The following CAPZA1 variants were observed in gnomAD, a reference collection of about 807,000 sequenced individuals.
CAPZA1 encodes the protein capping actin protein of muscle Z-line subunit alpha 1, also known as F-actin-capping protein subunit alpha-1.
Under a neutral mutation model 40.8 loss-of-function variants are expected in CAPZA1, and 10 were observed. The ratio of observed to expected loss-of-function variants is 0.25; its 90% confidence interval spans 0.15 to 0.42. The LOEUF (loss-of-function observed/expected upper bound fraction) is 0.42. Ranked by LOEUF, CAPZA1 falls within the 10% of genes least tolerant of loss-of-function variation. The pLI is 1.00. For synonymous variants in CAPZA1, 98 were observed against 115.0 expected, an observed-to-expected ratio of 0.85 and a Z score of 0.95; for missense variants, 277 against 353.8, an observed-to-expected ratio of 0.78 and a Z score of 1.74.
At chr1:112,623,223 T>C (rs912961873) in intron 1 of CAPZA1, among the ~76,000 whole-genome samples, 4 of 152,196 alleles carry the variant, frequency 2.6e-5, no homozygotes, top group Non-Finnish European at 5.9e-5. Context: ...GATTATGTAT[T>C]ACCTCCTTAA....
chr1:112,631,670 T>G (rs1182010293), intron 1 of CAPZA1, among the ~76,000 whole-genome samples: 2 of 152,224 alleles, frequency 1.3e-5, no homozygotes, highest in East Asian at 3.8e-4. Flanking sequence ...AAACTTGACA[T>G]CTACATCATT....
intron 8 of CAPZA1, among the ~76,000 whole-genome samples, chr1:112,668,144 G>C (rs898994376): frequency 6.6e-6 from 1 of 151,840 alleles, no homozygotes; most frequent in South Asian, 2.1e-4. Context: ...AAAATCAGCT[G>C]AGTTCCTGTA....
chr1:112,625,154 G>T (rs568620925), intron 1 of CAPZA1, among the ~76,000 whole-genome samples: 5 of 152,096 alleles, frequency 3.3e-5, no homozygotes, highest in Non-Finnish European at 7.4e-5. Context: ...TCCACAGTTT[G>T]GGTGCCTCTG....
intron 1 of CAPZA1, among the ~76,000 whole-genome samples, chr1:112,628,900 T>G (rs1365414958): frequency 6.6e-6 from 1 of 152,236 alleles, no homozygotes; most frequent in Admixed American, 6.5e-5. Context: ...AATTTGACTA[T>G]TTCTTACCAC....
chr1:112,668,460 G>A (rs1671768747), intron 8 of CAPZA1, among the ~76,000 whole-genome samples: 1 of 152,122 alleles, frequency 6.6e-6, no homozygotes, highest in East Asian at 1.9e-4. Flanking sequence ...TTAAAAGATG[G>A]CGGACTTTAT....
At chr1:112,644,702 A>G (rs549800703) in intron 1 of CAPZA1, among the ~76,000 whole-genome samples, 1 of 152,296 alleles carries the variant, frequency 6.6e-6, no homozygotes, top group South Asian at 2.1e-4. Context: ...TCATTATTAC[A>G]TCAAATATTA....
At chr1:112,643,744 A>G (rs1019957398) in intron 1 of CAPZA1, among the ~76,000 whole-genome samples, 1 of 152,236 alleles carries the variant, frequency 6.6e-6, no homozygotes, top group Non-Finnish European at 1.5e-5. Flanking sequence ...TAACGGTTTC[A>G]TCACAGAGCA....
rs780200466 is a variant in CAPZA1 at position 112,667,186 on chromosome 1, G to A, written c.657+41G>A. 2.9e-5 allele frequency: 41 copies of A among 1,398,268 alleles called. 1 individual carries two copies. The South Asian group carries it at 4.7e-4, about 16-fold the overall frequency. 86.6% of individuals were successfully genotyped at this position (1,398,268 alleles called of 1,614,324 possible). A position where few individuals can be genotyped will look rare whatever the true frequency, so the allele number is the denominator to read the frequency against. On this transcript the variant is annotated intron_variant, in intron 8 of 9. Transcript: ENST00000263168. Reference sequence around the variant, plus strand: ...TTAGTGTCTGTCTTACTCATGTCTCGTTTTTCTTTAAAAAATTAGTTTTGA... The same window carrying A: ...TTAGTGTCTGTCTTACTCATGTCTCATTTTTCTTTAAAAAATTAGTTTTGA...
At chr1:112,655,704 G>A (rs924981972) in intron 5 of CAPZA1, among the ~76,000 whole-genome samples, 12 of 151,700 alleles carry the variant, frequency 7.9e-5, no homozygotes, top group Non-Finnish European at 1.0e-4. Context: ...CTGGGATTAC[G>A]GGTGCCCACC....
Position 112,644,774 on chromosome 1 carries a change from G to A in CAPZA1, c.40-2436G>A, listed in dbSNP as rs555645340. On this transcript the variant is annotated intron_variant, in intron 1 of 9. Transcript: ENST00000263168. ...CTATACTGAGAGACCCATTTGTGGT[G>A]AGTCCTATTTATTATCATTACTAGC... Among the ~76,000 whole-genome samples the A allele has an allele frequency of 3.7e-4, 57 of 152,236 alleles. 1 individual carries two copies. The highest frequency in any genetic ancestry group is 1.3e-3 in the African/African-American group (55 of 41,552).
At chr1:112,648,004 G>A (rs986649653) in intron 2 of CAPZA1, among the ~76,000 whole-genome samples, 3 of 152,104 alleles carry the variant, frequency 2.0e-5, no homozygotes, top group Non-Finnish European at 4.4e-5. Context: ...GTGCATCTTG[G>A]TTCAGTTTAG....
rs148627496 is a variant in CAPZA1, at chr1:112,629,766, C to T, written c.39+9883C>T. ...TGCTATCTGACTTACCTTAGTTCATCCTTCTCTTTTATTCTCTCCAAATCC... is the reference window on the plus strand; with the variant it reads ...TGCTATCTGACTTACCTTAGTTCATTCTTCTCTTTTATTCTCTCCAAATCC... On this transcript the variant is annotated intron_variant, in intron 1 of 9. Coordinates refer to ENST00000263168, the MANE Select transcript of CAPZA1 (RefSeq NM_006135.3). Among the ~76,000 whole-genome samples, 316 of 152,310 alleles carry T rather than the reference C, an allele frequency of 2.1e-3. 1 individual carries two copies. The highest frequency in any genetic ancestry group is 3.7e-3 in the South Asian group (18 of 4,824).
chr1:112,629,104 A>G (rs534707370), intron 1 of CAPZA1, among the ~76,000 whole-genome samples: 3 of 152,284 alleles, frequency 2.0e-5, no homozygotes, highest in East Asian at 1.9e-4. Flanking sequence ...GTGGCTTCCC[A>G]TCTTTTTCTA....
At position 112,654,679 on chromosome 1, in the gene CAPZA1, A is replaced by G; in HGVS notation, c.426+8A>G. On this transcript the variant is annotated splice_region_variant and intron_variant, in intron 5 of 9. Coordinates refer to ENST00000263168, the MANE Select transcript of CAPZA1 (RefSeq NM_006135.3). ...TCCAACGGCTTCTGTACTGTTAAGT[A>G]TCTGACTGCTTCGTTATCAGAGAGT... 1 of 1,565,248 alleles carries G rather than the reference A, an allele frequency of 6.4e-7. No individual in the cohort carries two copies. The highest frequency in any genetic ancestry group is 8.7e-7 in the Non-Finnish European group (1 of 1,149,668).
At chr1:112,659,613 T>A in intron 6 of CAPZA1, 88 bp from the exon 7 acceptor site, 9 of 952,716 alleles carry the variant, frequency 9.4e-6, no homozygotes, top group Non-Finnish European at 1.5e-5. Flanking sequence ...TTTGCACCCC[T>A]CTTTCCCAAC....
intron 1 of CAPZA1, among the ~76,000 whole-genome samples, chr1:112,635,621 G>A (rs946332128): frequency 4.0e-5 from 6 of 150,312 alleles, no homozygotes; most frequent in African/African-American, 1.5e-4. Context: ...ATTTTTAGCA[G>A]AGACAGGGTT....
chr1:112,635,438 A>G (rs1670995328), intron 1 of CAPZA1, among the ~76,000 whole-genome samples: 1 of 152,056 alleles, frequency 6.6e-6, no homozygotes, highest in Non-Finnish European at 1.5e-5. Flanking sequence ...GAATGTGGAT[A>G]TTATCTAGCG....
At chr1:112,633,295 A>G (rs997086538) in intron 1 of CAPZA1, among the ~76,000 whole-genome samples, 3 of 151,642 alleles carry the variant, frequency 2.0e-5, no homozygotes, top group African/African-American at 4.8e-5. Flanking sequence ...TTTCTCTGAC[A>G]TAGGCTTTTT....
intron 9 of CAPZA1, 118 bp from the exon 10 acceptor site, chr1:112,669,874 A>G (rs1362753249): frequency 1.8e-6 from 2 of 1,103,484 alleles, no homozygotes; most frequent in Non-Finnish European, 2.7e-6. Flanking sequence ...TGAAAATAAT[A>G]TATCCTGTCT....
Sources: gnomAD v4.1 joint callset for allele counts (sites outside exome capture counted in the v4.1 genomes callset) on GRCh38, gnomAD v4.1.1 for gene constraint, MANE v1.5 for transcripts, NCBI Gene and HGNC (gene_info 2026-07-23, HGNC 2026-07-21) for gene names.